The following CDK14 variants were observed in gnomAD, a reference collection of about 807,000 sequenced individuals.
CDK14 encodes the protein cyclin dependent kinase 14.
Under a neutral mutation model 60.7 loss-of-function variants are expected in CDK14, and 34 were observed. That is an observed-to-expected ratio of 0.56 (90% confidence interval 0.43 to 0.75). The LOEUF is 0.75. CDK14 is among the 30% of genes least tolerant of loss of function. The pLI, the probability that CDK14 is intolerant of heterozygous loss-of-function variation, is 0.00. For missense variants in CDK14, 482 were observed against 564.1 expected (o/e 0.85, Z 1.47); for synonymous variants, 197 against 203.7 (o/e 0.97, Z 0.28).
intron 14 of CDK14, among the ~76,000 whole-genome samples, chr7:91,182,375 T>G (rs1391468783): frequency 6.6e-6 from 1 of 152,084 alleles, no homozygotes; most frequent in Non-Finnish European, 1.5e-5. Context: ...GATAGGTTTT[T>G]TTTTCTTTTT....
intron 5 of CDK14, among the ~76,000 whole-genome samples, chr7:90,796,829 A>G (rs1215745709): frequency 2.0e-5 from 3 of 151,908 alleles, no homozygotes; most frequent in Non-Finnish European, 2.9e-5. Flanking sequence ...CGTAAGTAGT[A>G]TATATGTACC....
At chr7:91,092,019 A>T (rs555500996) in intron 12 of CDK14, among the ~76,000 whole-genome samples, 1 of 152,132 alleles carries the variant, frequency 6.6e-6, no homozygotes, top group Non-Finnish European at 1.5e-5. Flanking sequence ...ATGATACTCA[A>T]TGTGCAGCGT....
At chr7:91,004,877 A>T (rs1434825644) in intron 10 of CDK14, among the ~76,000 whole-genome samples, 1 of 152,202 alleles carries the variant, frequency 6.6e-6, no homozygotes, top group Non-Finnish European at 1.5e-5. Flanking sequence ...AACTATTTAC[A>T]AGGGATTTGC....
chr7:91,195,381 A>AT (rs988056441), intron 14 of CDK14, among the ~76,000 whole-genome samples: 2 of 152,144 alleles, frequency 1.3e-5, no homozygotes, highest in African/African-American at 4.8e-5. Context: ...AATAATGTAT[A>AT]TTTTTTCCTT....
chr7:91,130,035 A>G (rs2116421043), intron 14 of CDK14, among the ~76,000 whole-genome samples: 1 of 152,326 alleles, frequency 6.6e-6, no homozygotes, highest in East Asian at 1.9e-4. Flanking sequence ...AACCCTTAAG[A>G]AACTAACACT....
At position 91,120,018 on chromosome 7, in the gene CDK14, T is replaced by G. The variant is rs190527882; in HGVS notation, c.*28+1810T>G. On this transcript the variant is annotated intron_variant, in intron 14 of 14. Coordinates refer to ENST00000380050, the MANE Select transcript of CDK14 (RefSeq NM_001287135.2). ...AATTCATGAGGGTTACAGCATATGC[T>G]TTTTTAAAGTATTTAACCTGCATTA... is the stretch of plus-strand genomic sequence containing the variant. Among the ~76,000 whole-genome samples, 537 of 152,346 alleles carry G rather than the reference T, an allele frequency of 3.5e-3. 9 individuals are homozygous for G. Among genetic ancestry groups the G allele is most frequent in the African/African-American group, 0.012 (514 of 41,570 alleles).
At chr7:90,686,748 T>C (rs1584793679) in intron 2 of CDK14, among the ~76,000 whole-genome samples, 1 of 152,114 alleles carries the variant, frequency 6.6e-6, no homozygotes, top group African/African-American at 2.4e-5. Flanking sequence ...CGGAAAGTGG[T>C]TAAGTCCAAA....
In CDK14 at chr7:90,666,080, C is replaced by T. The variant is rs181705353; in HGVS notation, c.124-60487C>T. Among the ~76,000 whole-genome samples, 31 of 152,318 alleles carry T rather than the reference C, an allele frequency of 2.0e-4. No individual in the cohort carries two copies. The East Asian group carries it at 5.6e-3, about 27-fold the overall frequency. On this transcript the variant is annotated intron_variant, in intron 2 of 14. Coordinates refer to ENST00000380050, the MANE Select transcript of CDK14 (RefSeq NM_001287135.2). ...CCTGCAGCCTCATCTTCTGCCAGCC[C>T]TTGTCCTCTGATGTACTTCCATTGC...
intron 6 of CDK14, among the ~76,000 whole-genome samples, chr7:90,879,411 T>C (rs937983859): frequency 1.3e-5 from 2 of 152,180 alleles, no homozygotes; most frequent in Non-Finnish European, 2.9e-5. Flanking sequence ...AATTCCATGC[T>C]CATCTTTGAT....
chr7:91,028,676 T>C (rs1317493678), intron 10 of CDK14, among the ~76,000 whole-genome samples: 1 of 152,250 alleles, frequency 6.6e-6, no homozygotes. Flanking sequence ...CCCTGATGAT[T>C]ACTTATGTTG....
chr7:91,113,779 T>G (rs1259805082), intron 13 of CDK14, among the ~76,000 whole-genome samples: 3 of 152,206 alleles, frequency 2.0e-5, no homozygotes, highest in Non-Finnish European at 4.4e-5. Context: ...AACTAAGTTC[T>G]AAGTGCAACT....
At chr7:91,126,414 T>C (rs1208372664) in intron 14 of CDK14, among the ~76,000 whole-genome samples, 2 of 152,170 alleles carry the variant, frequency 1.3e-5, no homozygotes, top group African/African-American at 2.4e-5. Context: ...ATTTAAAATA[T>C]GCCTGAGAAA....
intron 10 of CDK14, among the ~76,000 whole-genome samples, chr7:91,015,392 G>A (rs1796270111): frequency 6.6e-6 from 1 of 152,004 alleles, no homozygotes; most frequent in African/African-American, 2.4e-5. Flanking sequence ...AGATCAAACA[G>A]ATTGTACTTA....
Position 91,100,068 on chromosome 7 carries a change from A to G in CDK14, c.1155-12474A>G, listed in dbSNP as rs373138703. 3.9e-5 allele frequency among the ~76,000 whole-genome samples: 6 copies of G among 152,162 alleles called. No individual in the cohort carries two copies. The East Asian group carries it at 1.2e-3, about 29-fold the overall frequency. ...TAAAATACTTAATAAAAATTATAAA[A>G]TCATATAATCGCTGGTTCACTAAAT... On this transcript the variant is annotated intron_variant, in intron 12 of 14. Coordinates refer to ENST00000380050, the MANE Select transcript of CDK14 (RefSeq NM_001287135.2).
intron 5 of CDK14, among the ~76,000 whole-genome samples, chr7:90,805,080 C>T (rs1788769915): frequency 6.6e-6 from 1 of 152,068 alleles, no homozygotes; most frequent in African/African-American, 2.4e-5. Context: ...TTAGGATTTA[C>T]ACTGGGATTT....
intron 5 of CDK14, among the ~76,000 whole-genome samples, chr7:90,812,344 A>C (rs988388002): frequency 4.6e-5 from 7 of 152,216 alleles, no homozygotes; most frequent in Admixed American, 2.0e-4. Context: ...GGAAACCATC[A>C]TTCTCAGCAA....
At chr7:91,054,597 G>A (rs1426879511) in intron 11 of CDK14, among the ~76,000 whole-genome samples, 1 of 152,208 alleles carries the variant, frequency 6.6e-6, no homozygotes, top group Non-Finnish European at 1.5e-5. Flanking sequence ...GGTGGTTGCT[G>A]GAGAGCAGAT....
At chr7:91,117,156 T>A (rs1799632531) in intron 13 of CDK14, among the ~76,000 whole-genome samples, 1 of 149,638 alleles carries the variant, frequency 6.7e-6, no homozygotes. Context: ...CCTTCTCTAG[T>A]CTTACCGTTG....
intron 14 of CDK14, among the ~76,000 whole-genome samples, chr7:91,152,685 TG>T (rs1270622718): frequency 6.6e-6 from 1 of 152,148 alleles, no homozygotes; most frequent in Non-Finnish European, 1.5e-5. Context: ...AACTGACAAA[TG>T]AGCAAGAGAG....
Sources: allele counts gnomAD v4.1 joint callset (sites outside exome capture counted in the v4.1 genomes callset), GRCh38; gene constraint gnomAD v4.1.1; transcripts MANE v1.5; gene names NCBI Gene and HGNC (gene_info 2026-07-23, HGNC 2026-07-21).